THEM4: variants seen among roughly 807,000 people sequenced by gnomAD.
THEM4 encodes the protein thioesterase superfamily member 4.
THEM4 carries 22 observed loss-of-function variants against 25.0 expected under a neutral mutation model. The ratio of observed to expected loss-of-function variants is 0.88; its 90% CI spans 0.63 to 1.26. THEM4 has a LOEUF of 1.26. Among genes scored for constraint, THEM4 ranks in the 50% most tolerant of loss-of-function variants. The pLI is 0.00. For missense variants in THEM4, 286 were observed against 300.3 expected, an observed-to-expected ratio of 0.95 and a Z score of 0.35; for synonymous variants, 113 against 105.6, an observed-to-expected ratio of 1.07 and a Z score of -0.43.
chr1:151,890,107 T>C, intron 2 of THEM4: 1 of 406,334 alleles, frequency 2.5e-6, no homozygotes. Flanking sequence ...GGTTTCTCCG[T>C]GTTGGTCAGG....
intron 1 of THEM4, among the ~76,000 whole-genome samples, chr1:151,900,443 C>G (rs2101729948): frequency 6.6e-6 from 1 of 152,276 alleles, no homozygotes. Context: ...AGAGACTCAC[C>G]TAGCACATAA....
chr1:151,876,868 G>C (rs1653691645), intron 5 of THEM4, 133 bp downstream of exon 5: 1 of 1,081,268 alleles, frequency 9.2e-7, no homozygotes, highest in Admixed American at 2.6e-5. Flanking sequence ...TATAATACCA[G>C]GGCAAAAAAC....
intron 1 of THEM4, among the ~76,000 whole-genome samples, chr1:151,906,560 C>T (rs1399658532): frequency 6.6e-6 from 1 of 152,232 alleles, no homozygotes; most frequent in Non-Finnish European, 1.5e-5. Context: ...CCACCTGCAG[C>T]CCCAGTGCGA....
At chr1:151,888,214 C>T (rs1654011823) in intron 4 of THEM4, 59 bp downstream of exon 4, 1 of 1,368,170 alleles carries the variant, frequency 7.3e-7, no homozygotes, top group Admixed American at 1.9e-5. Flanking sequence ...TCAAGATCTG[C>T]AACTGGGAAC....
intron 1 of THEM4, among the ~76,000 whole-genome samples, chr1:151,896,856 C>T (rs925549880): frequency 6.6e-6 from 1 of 152,154 alleles, no homozygotes; most frequent in African/African-American, 2.4e-5. Flanking sequence ...AAGAGAAATA[C>T]AAGACCCAGT....
At chr1:151,879,659 C>CTTTT (rs60809136) in intron 4 of THEM4, among the ~76,000 whole-genome samples, 8 of 135,412 alleles carry the variant, frequency 5.9e-5, no homozygotes, top group East Asian at 2.1e-4. Context: ...CTTTTCTTTT[C>CTTTT]TTTTTTTTTT....
At chr1:151,887,434 T>A (rs7544380) in intron 4 of THEM4, among the ~76,000 whole-genome samples, 134,131 of 151,592 alleles carry the variant, frequency 0.88, 59,469 homozygotes, top group East Asian at 0.92. Context: ...TGTCTCAAAA[T>A]AATAATAATA....
chr1:151,886,358 A>C (rs1307237012), intron 4 of THEM4, among the ~76,000 whole-genome samples: 2 of 152,236 alleles, frequency 1.3e-5, no homozygotes, highest in Non-Finnish European at 2.9e-5. Context: ...CTTAAGACAC[A>C]AACACTTTTT....
intron 2 of THEM4, chr1:151,890,336 T>C (rs1052215876): frequency 1.6e-5 from 5 of 321,682 alleles, no homozygotes; most frequent in East Asian, 8.8e-5. Context: ...GGGAACTGGA[T>C]TGAATCAAAA....
chr1:151,907,994 T>C (rs1024055671), intron 1 of THEM4, among the ~76,000 whole-genome samples: 12 of 152,276 alleles, frequency 7.9e-5, no homozygotes, highest in African/African-American at 2.6e-4. Context: ...CCCTACCAGG[T>C]GCCTGCAGTC....
Position 151,909,416 on chromosome 1 carries a change from G to C in THEM4, c.43C>G (p.Leu15Val), listed in dbSNP as rs766499785. The change falls in exon 1 of 6, where the codon CTG (leucine) becomes GTG (valine). Residue 15 changes from leucine (L) to valine (V), a missense_variant. Coordinates refer to ENST00000368814, the MANE Select transcript of THEM4 (RefSeq NM_053055.5). Reference protein sequence around the residue: ...CAARLRTLGALCLPPVGRRLP... With the variant: ...CAARLRTLGAVCLPPVGRRLP... ...CGCCGGCCTACTGGCGGCAGGCACA[G>C]AGCCCCCAGCGTGCGGAGGCGCGCG... The C allele has an allele frequency of 1.9e-5, 29 of 1,490,132 alleles. No individual in the cohort carries two copies. Among genetic ancestry groups the C allele is most frequent in the Middle Eastern group, 2.2e-4 (1 of 4,542 alleles). The allele number at this position is 1,490,132 out of a possible 1,614,324, so 92.3% of individuals were successfully genotyped here.
intron 1 of THEM4, 132 bp from the exon 2 acceptor site, chr1:151,895,326 A>C: frequency 1.3e-6 from 1 of 783,804 alleles, no homozygotes; most frequent in Non-Finnish European, 2.0e-6. Context: ...AATGGAAGGG[A>C]ATTTCAGGGA....
intron 2 of THEM4, chr1:151,890,082 T>G: frequency 2.8e-6 from 1 of 359,712 alleles, no homozygotes; most frequent in Non-Finnish European, 5.7e-6. Flanking sequence ...AATTCTGTAT[T>G]TTTAGTAGAG....
intron 4 of THEM4, among the ~76,000 whole-genome samples, chr1:151,887,328 G>A (rs549140483): frequency 6.6e-6 from 1 of 152,190 alleles, no homozygotes; most frequent in East Asian, 1.9e-4. Flanking sequence ...TACTTGGCAG[G>A]CTGAGGCATG....
intron 2 of THEM4, among the ~76,000 whole-genome samples, chr1:151,892,608 G>A (rs927801002): frequency 3.3e-5 from 5 of 152,132 alleles, no homozygotes; most frequent in Admixed American, 2.6e-4. Context: ...AATTTTTCTT[G>A]ATTAGTTTTA....
At chr1:151,903,406 T>C (rs1654394473) in intron 1 of THEM4, among the ~76,000 whole-genome samples, 1 of 152,258 alleles carries the variant, frequency 6.6e-6, no homozygotes, top group Non-Finnish European at 1.5e-5. Flanking sequence ...TTCTCCGTAA[T>C]ATCAGTTACC....
chr1:151,908,723 CTGAGT>C (rs1654529984), intron 1 of THEM4, among the ~76,000 whole-genome samples: 1 of 152,130 alleles, frequency 6.6e-6, no homozygotes. Flanking sequence ...TTGCGGTCGA[CTGAGT>C]TATTTTTCTC....
In THEM4 at chr1:151,889,694, C is replaced by G. The variant is rs187943668; in HGVS notation, c.287-321G>C. 518 of 201,914 alleles carry G rather than the reference C, an allele frequency of 2.6e-3. 3 individuals are homozygous for G. The highest frequency in any genetic ancestry group is 0.011 in the African/African-American group (490 of 43,350). 12.5% of individuals were successfully genotyped at this position (201,914 alleles called of 1,614,324 possible). ...AAATGGTACGGTAAAGACGGAAATC[C>G]TTCTTGGAAGAACTGTGGTTTAAAT... is the stretch of plus-strand genomic sequence containing the variant. On this transcript the variant is annotated intron_variant, in intron 2 of 5. Coordinates refer to ENST00000368814, the MANE Select transcript of THEM4 (RefSeq NM_053055.5).
intron 1 of THEM4, among the ~76,000 whole-genome samples, chr1:151,907,609 T>C (rs1030140384): frequency 6.6e-6 from 1 of 152,212 alleles, no homozygotes; most frequent in Non-Finnish European, 1.5e-5. Context: ...AATAAAGTTC[T>C]CCTGTCTCAC....
Sources: allele counts gnomAD v4.1 joint callset (sites outside exome capture counted in the v4.1 genomes callset), GRCh38; gene constraint gnomAD v4.1.1; transcripts MANE v1.5; gene names NCBI Gene and HGNC (gene_info 2026-07-23, HGNC 2026-07-21).